The following NF1 variants were observed in gnomAD, a reference collection of about 807,000 sequenced individuals.
NF1 encodes neurofibromin.
A neutral mutation model predicts 325.7 loss-of-function variants in NF1; 122 were observed. That is an observed-to-expected ratio of 0.37 (90% CI 0.32 to 0.44). The LOEUF is 0.44. Ranked by LOEUF, NF1 falls within the 20% of genes least tolerant of loss-of-function variation. The probability of loss-of-function intolerance (pLI) is 1.00; values close to 1 mark genes in which losing one functional copy is unlikely to be tolerated. For synonymous variants in NF1, 1,091 were observed against 1,186.0 expected (o/e 0.92, Z 1.65); for missense variants, 2,140 against 3,415.4 (o/e 0.63, Z 9.31).
chr17:31,172,767 C>G (rs1197366337), intron 5 of NF1, among the ~76,000 whole-genome samples: 2 of 151,942 alleles, frequency 1.3e-5, no homozygotes, highest in Non-Finnish European at 2.9e-5. Context: ...TTTAGTGGCC[C>G]TGGGAAGTGA....
intron 36 of NF1, among the ~76,000 whole-genome samples, chr17:31,270,100 T>A (rs1194771136): frequency 6.6e-6 from 1 of 152,228 alleles, no homozygotes; most frequent in Non-Finnish European, 1.5e-5. Context: ...GACACTTACC[T>A]TACAAGGTAC....
intron 36 of NF1, among the ~76,000 whole-genome samples, chr17:31,274,601 A>G (rs1203761764): frequency 6.6e-6 from 1 of 152,036 alleles, no homozygotes; most frequent in East Asian, 1.9e-4. Context: ...TAAACAAACA[A>G]AAAAAAACTA....
chr17:31,252,991 CAAAA>C lies in NF1; in HGVS notation c.4167_4170del (p.Lys1389AsnfsTer16). On this transcript the variant is annotated frameshift_variant, in exon 31 of 58. Transcript: ENST00000358273. LOFTEE classifies it high-confidence loss of function. ...CTACAGTAAAAGAAAAAAAGGAAAA[CAAAA>C]AATCAGTAAGTTTGGAGAACTTTTT... is the stretch of plus-strand genomic sequence containing the variant. 6.2e-7 allele frequency: 1 copy of C among 1,612,728 alleles called. No individual in the cohort carries two copies. The highest frequency in any genetic ancestry group is 2.2e-5 in the East Asian group (1 of 44,800).
At chr17:31,222,636 C>A in intron 15 of NF1, 1 of 591,576 alleles carries the variant, frequency 1.7e-6, no homozygotes, top group Non-Finnish European at 2.2e-6. Context: ...TAAAAAGAAG[C>A]AGGTAAAATT....
chr17:31,189,524 A>T (rs770215505), intron 8 of NF1, among the ~76,000 whole-genome samples: 4 of 151,890 alleles, frequency 2.6e-5, no homozygotes, highest in Non-Finnish European at 4.4e-5. Context: ...GTTAGTAATC[A>T]CTCCCTGTTC....
At chr17:31,110,737 C>A (rs1198837926) in intron 1 of NF1, among the ~76,000 whole-genome samples, 1 of 151,900 alleles carries the variant, frequency 6.6e-6, no homozygotes, top group African/African-American at 2.4e-5. Flanking sequence ...TGAAAATTTT[C>A]ATAGAGAATT....
At chr17:31,339,970 C>CGA (rs1226549869) in intron 46 of NF1, among the ~76,000 whole-genome samples, 2 of 152,040 alleles carry the variant, frequency 1.3e-5, no homozygotes, top group Admixed American at 6.6e-5. Context: ...TCAAAGGAAT[C>CGA]GAGAGAGGGA....
At chr17:31,221,237 G>A (rs1476218874) in intron 14 of NF1, among the ~76,000 whole-genome samples, 1 of 152,070 alleles carries the variant, frequency 6.6e-6, no homozygotes, top group Middle Eastern at 3.4e-3. Flanking sequence ...GTTATATATT[G>A]TAAATGAATT....
intron 8 of NF1, among the ~76,000 whole-genome samples, chr17:31,195,934 TC>T (rs2066427024): frequency 6.6e-6 from 1 of 152,132 alleles, no homozygotes; most frequent in African/African-American, 2.4e-5. Flanking sequence ...TTTTAATTCT[TC>T]TGAATATATA....
At chr17:31,185,100 T>C (rs1302282310) in intron 8 of NF1, among the ~76,000 whole-genome samples, 1 of 152,170 alleles carries the variant, frequency 6.6e-6, no homozygotes, top group African/African-American at 2.4e-5. Context: ...TCTGAAGAGA[T>C]AAACCCTGCG....
intron 9 of NF1, 83 bp from the exon 10 acceptor site, chr17:31,200,954 A>G: frequency 1.3e-6 from 2 of 1,574,672 alleles, no homozygotes; most frequent in Non-Finnish European, 1.7e-6. Context: ...TTGTGTGGGT[A>G]ATGTGTTGAT....
chr17:31,238,807 A>G (rs976586774), intron 29 of NF1, among the ~76,000 whole-genome samples: 3 of 152,244 alleles, frequency 2.0e-5, no homozygotes, highest in Non-Finnish European at 4.4e-5. Flanking sequence ...TGGAGATATA[A>G]TCAGATTGTA....
intron 46 of NF1, 125 bp downstream of exon 46, chr17:31,338,930 A>T (rs1413399251): frequency 1.2e-5 from 8 of 693,504 alleles, no homozygotes; most frequent in Middle Eastern, 3.7e-4. Context: ...CTATAGTTAA[A>T]GTAGAACCTC....
chr17:31,370,607 C>T (rs2070617003), intron 57 of NF1, among the ~76,000 whole-genome samples: 1 of 152,302 alleles, frequency 6.6e-6, no homozygotes, highest in Middle Eastern at 3.4e-3. Flanking sequence ...ACCCTAGTGA[C>T]TTCATCTACA....
At chr17:31,257,258 T>C (rs2067598906) in intron 31 of NF1, among the ~76,000 whole-genome samples, 1 of 152,190 alleles carries the variant, frequency 6.6e-6, no homozygotes, top group Non-Finnish European at 1.5e-5. Flanking sequence ...TCACAGAATA[T>C]TGAGTGGAAT....
intron 19 of NF1, 61 bp downstream of exon 19, chr17:31,227,352 T>C: frequency 6.5e-7 from 1 of 1,546,368 alleles, no homozygotes; most frequent in African/African-American, 1.4e-5. Context: ...GGAAGCCTCT[T>C]GTTACATATG....
At position 31,128,746 on chromosome 17, in the gene NF1, C is replaced by T. The variant is rs9909580; in HGVS notation, c.61-27237C>T. Among the ~76,000 whole-genome samples the T allele has an allele frequency of 7.6e-3, 1,163 of 152,096 alleles. 19 individuals are homozygous for T. Among genetic ancestry groups the T allele is most frequent in the African/African-American group, 0.027 (1,120 of 41,490 alleles). On this transcript the variant is annotated intron_variant, in intron 1 of 57. Transcript: ENST00000358273. ...GACCATCCTGGCTAACACCGTGAAA[C>T]CCTGTCTCTACTAAATATACAAAAA...
At chr17:31,175,981 A>C (rs1260860654) in intron 5 of NF1, among the ~76,000 whole-genome samples, 1 of 152,250 alleles carries the variant, frequency 6.6e-6, no homozygotes, top group Non-Finnish European at 1.5e-5. Flanking sequence ...TGCAGTAAAC[A>C]TACGTGTGCA....
intron 29 of NF1, among the ~76,000 whole-genome samples, chr17:31,243,213 T>TGTGTGTGTGTGTGTGTGTGTGTG (rs57229549): frequency 4.0e-4 from 60 of 150,928 alleles, no homozygotes; most frequent in South Asian, 1.0e-3. Context: ...TGTGTGTGTG[T>TGTGTGTGTGTGTGTGTGTGTGTG]TGAGCTGCCT....
Sources: gnomAD v4.1 joint callset for allele counts (sites outside exome capture counted in the v4.1 genomes callset) on GRCh38, gnomAD v4.1.1 for gene constraint, MANE v1.5 for transcripts, NCBI Gene and HGNC (gene_info 2026-07-23, HGNC 2026-07-21) for gene names.